The following SGCZ variants were observed in gnomAD, a reference collection of about 807,000 sequenced individuals.
The protein encoded by SGCZ is sarcoglycan zeta.
In SGCZ, 40 loss-of-function variants were observed where a neutral mutation model predicts 41.3. The ratio of observed to expected loss-of-function variants is 0.97; its 90% CI spans 0.75 to 1.26. The LOEUF is 1.26. Ranked by LOEUF, SGCZ falls within the 50% of genes most tolerant of loss-of-function variation. The pLI is 0.00. For synonymous variants in SGCZ, 206 were observed against 137.5 expected, an observed-to-expected ratio of 1.50 and a Z score of -3.49; for missense variants, 552 against 369.8, an observed-to-expected ratio of 1.49 and a Z score of -4.04.
At chr8:14,385,235 G>C (rs1358955571) in intron 2 of SGCZ, among the ~76,000 whole-genome samples, 1 of 152,104 alleles carries the variant, frequency 6.6e-6, no homozygotes, top group African/African-American at 2.4e-5. Flanking sequence ...TCATGAACTG[G>C]TGTGAACCAG....
intron 1 of SGCZ, among the ~76,000 whole-genome samples, chr8:14,735,234 T>G (rs895205901): frequency 1.2e-4 from 18 of 152,126 alleles, no homozygotes; most frequent in African/African-American, 4.3e-4. Flanking sequence ...GATGCCTCCA[T>G]AGCTGGTAAA....
chr8:14,361,178 T>G (rs1462058083), intron 2 of SGCZ, among the ~76,000 whole-genome samples: 1 of 152,150 alleles, frequency 6.6e-6, no homozygotes, highest in Non-Finnish European at 1.5e-5. Context: ...CATATTCCAT[T>G]TATTGGTCAT....
At chr8:14,123,268 G>T (rs760591603) in intron 5 of SGCZ, among the ~76,000 whole-genome samples, 2 of 152,054 alleles carry the variant, frequency 1.3e-5, no homozygotes, top group Non-Finnish European at 2.9e-5. Context: ...AAATAACAAA[G>T]CAAACAATCA....
At chr8:14,481,178 ATAGT>A (rs1313050324) in intron 2 of SGCZ, among the ~76,000 whole-genome samples, 1 of 152,234 alleles carries the variant, frequency 6.6e-6, no homozygotes, top group East Asian at 1.9e-4. Context: ...GAAAACATGA[ATAGT>A]TAATTAATAT....
At chr8:14,114,923 T>G (rs888225981) in intron 5 of SGCZ, among the ~76,000 whole-genome samples, 2 of 151,874 alleles carry the variant, frequency 1.3e-5, no homozygotes, top group Non-Finnish European at 1.5e-5. Context: ...TAAAATCACA[T>G]GTAAAGAAAA....
chr8:14,927,455 G>C (rs965545359), intron 1 of SGCZ, among the ~76,000 whole-genome samples: 2 of 151,980 alleles, frequency 1.3e-5, no homozygotes, highest in African/African-American at 4.8e-5. Context: ...TTCAAAAGTG[G>C]ATTTTACTTA....
chr8:14,928,933 A>C (rs1799844691), intron 1 of SGCZ, among the ~76,000 whole-genome samples: 1 of 152,152 alleles, frequency 6.6e-6, no homozygotes. Flanking sequence ...TTTATTTGAC[A>C]GGAGCTTGAT....
intron 3 of SGCZ, among the ~76,000 whole-genome samples, chr8:14,323,842 G>A (rs1164626491): frequency 6.6e-6 from 1 of 152,012 alleles, no homozygotes; most frequent in Non-Finnish European, 1.5e-5. Flanking sequence ...TTAATTTCCA[G>A]TGAAAATAGA....
intron 1 of SGCZ, among the ~76,000 whole-genome samples, chr8:14,862,582 A>G (rs1379106460): frequency 7.1e-4 from 87 of 121,942 alleles, no homozygotes; most frequent in African/African-American, 2.6e-3. Context: ...ATATATATAT[A>G]CACACACAAT....
intron 1 of SGCZ, among the ~76,000 whole-genome samples, chr8:15,007,196 A>T: frequency 6.6e-6 from 1 of 152,214 alleles, no homozygotes; most frequent in East Asian, 1.9e-4. Flanking sequence ...CAATATTAAA[A>T]TGCTTTTAAT....
intron 3 of SGCZ, among the ~76,000 whole-genome samples, chr8:14,284,701 G>T (rs1003509668): frequency 6.6e-6 from 1 of 151,868 alleles, no homozygotes; most frequent in African/African-American, 2.4e-5. Flanking sequence ...TCTGCACCTT[G>T]TTACTCAAAC....
chr8:14,691,789 A>G (rs1420521609), intron 1 of SGCZ, among the ~76,000 whole-genome samples: 1 of 151,504 alleles, frequency 6.6e-6, no homozygotes, highest in African/African-American at 2.4e-5. Flanking sequence ...AACTGCAATA[A>G]AATTTTTTTT....
intron 1 of SGCZ, among the ~76,000 whole-genome samples, chr8:15,228,877 T>C (rs1259934973): frequency 6.6e-6 from 1 of 152,202 alleles, no homozygotes; most frequent in African/African-American, 2.4e-5. Context: ...AGCTTTATAA[T>C]CTTCGTAGCT....
intron 1 of SGCZ, among the ~76,000 whole-genome samples, chr8:14,923,510 C>T (rs887554434): frequency 4.6e-5 from 7 of 152,066 alleles, no homozygotes; most frequent in Non-Finnish European, 8.8e-5. Context: ...TACACAGTTA[C>T]GAAATGTACG....
At chr8:15,179,093 A>G (rs889202891) in intron 1 of SGCZ, among the ~76,000 whole-genome samples, 2 of 152,196 alleles carry the variant, frequency 1.3e-5, no homozygotes. Context: ...TGCTGGGAAC[A>G]AACCTTCAGG....
At chr8:14,526,227 T>C (rs1182859557) in intron 2 of SGCZ, among the ~76,000 whole-genome samples, 3 of 152,142 alleles carry the variant, frequency 2.0e-5, no homozygotes, top group Non-Finnish European at 4.4e-5. Flanking sequence ...TTGACAGCAA[T>C]GTTATGAGAA....
At chr8:14,499,588 G>A (rs919612891) in intron 2 of SGCZ, among the ~76,000 whole-genome samples, 4 of 151,964 alleles carry the variant, frequency 2.6e-5, no homozygotes, top group Non-Finnish European at 4.4e-5. Flanking sequence ...GTATTTTCAA[G>A]CTAGGCAGCC....
At chr8:15,187,015 T>C (rs1358088825) in intron 1 of SGCZ, among the ~76,000 whole-genome samples, 1 of 152,156 alleles carries the variant, frequency 6.6e-6, no homozygotes, top group Non-Finnish European at 1.5e-5. Context: ...CCCTAACTCA[T>C]ATAAAGCATT....
intron 1 of SGCZ, among the ~76,000 whole-genome samples, chr8:14,986,164 G>C (rs1404271135): frequency 6.6e-6 from 1 of 151,744 alleles, no homozygotes; most frequent in South Asian, 2.1e-4. Flanking sequence ...AATATATACA[G>C]GTATGGAACA....
Sources: gnomAD v4.1 joint callset for allele counts (sites outside exome capture counted in the v4.1 genomes callset) on GRCh38, gnomAD v4.1.1 for gene constraint, MANE v1.5 for transcripts, NCBI Gene and HGNC (gene_info 2026-07-23, HGNC 2026-07-21) for gene names.